The following PRAMEF25 variants were observed in gnomAD, a reference collection of about 807,000 sequenced individuals.
PRAMEF25 encodes PRAME family member 25.
chr1:13,071,066 T>G (rs1182179465), intron 1 of PRAMEF25, 159 bp downstream of exon 1: 1 of 139,794 alleles, frequency 7.2e-6, no homozygotes, highest in African/African-American at 2.5e-5. Flanking sequence ...CTAAATACAG[T>G]TCTGTCTTTA....
intron 1 of PRAMEF25, chr1:13,071,647 C>T (rs1642352494): frequency 6.1e-5 from 3 of 49,424 alleles, no homozygotes; most frequent in Admixed American, 2.4e-4. Flanking sequence ...ATCACTTTAG[C>T]CCAGAAGATT....
At chr1:13,071,248 GTT>G (rs1386478236) in intron 1 of PRAMEF25, 1 of 69,864 alleles carries the variant, frequency 1.4e-5, no homozygotes, top group Non-Finnish European at 3.2e-5. Flanking sequence ...TCTACACAAC[GTT>G]TTTTTTTTTT....
intron 1 of PRAMEF25, chr1:13,071,561 C>A (rs1177345076): frequency 1.6e-5 from 1 of 61,994 alleles, no homozygotes; most frequent in Non-Finnish European, 2.8e-5. Flanking sequence ...TCGGCCTCTA[C>A]TTTTTTTTTT....
chr1:13,071,103 T>A, intron 1 of PRAMEF25, 196 bp downstream of exon 1: 1 of 138,528 alleles, frequency 7.2e-6, no homozygotes, highest in Admixed American at 7.7e-5. Context: ...TGTGCTTTGG[T>A]TTAGGTCATT....
At chr1:13,071,520 TG>T (rs2100256281) in intron 1 of PRAMEF25, 1 of 93,496 alleles carries the variant, frequency 1.1e-5, no homozygotes, top group East Asian at 3.5e-4. Flanking sequence ...CCTCCCAAAA[TG>T]CTGGGATTAG....
At chr1:13,071,574 A>T (rs1366566884) in intron 1 of PRAMEF25, 3 of 54,464 alleles carry the variant, frequency 5.5e-5, no homozygotes, top group African/African-American at 1.2e-4. Flanking sequence ...TTTTTTTTTT[A>T]ATTAGCTAGG....
intron 3 of PRAMEF25, chr1:13,076,508 C>T (rs868074043): frequency 0.033 from 3,864 of 116,092 alleles, 26 homozygotes; most frequent in Non-Finnish European, 0.045. Flanking sequence ...ATTTTTTCTC[C>T]TTTTTTTTTT....
Position 13,071,002 on chromosome 1 carries a change from A to G in PRAMEF25, c.-17+95A>G, listed in dbSNP as rs1361384160. ...GCAGCCTACGATGGCACAGAGCTAT[A>G]TCCTGTCCTTTTTTTTTTTCATATG... is the stretch of plus-strand genomic sequence containing the variant. On this transcript the variant is annotated intron_variant, in intron 1 of 3. Coordinates refer to ENST00000619661, the Ensembl canonical transcript of PRAMEF25. The G allele has an allele frequency of 1.6e-5, 2 of 125,452 alleles. 1 individual carries two copies. The highest frequency in any genetic ancestry group is 3.6e-5 in the Non-Finnish European group (2 of 54,938). The allele number at this position is 125,452 out of a possible 1,614,324, so 7.8% of individuals were successfully genotyped here.
At chr1:13,071,333 CT>C (rs1472333240) in intron 1 of PRAMEF25, 1 of 86,832 alleles carries the variant, frequency 1.2e-5, no homozygotes, top group Non-Finnish European at 2.6e-5. Context: ...TCACTGTAAC[CT>C]TTACCTCCCA....
At position 13,070,916 on chromosome 1, in the gene PRAMEF25, T is replaced by C. The variant is rs1373984499; in HGVS notation, c.-17+9T>C. 8 of 122,650 alleles carry C rather than the reference T, an allele frequency of 6.5e-5. No homozygotes were observed. Among genetic ancestry groups the C allele is most frequent in the Admixed American group, 2.7e-4 (3 of 10,938 alleles). 7.6% of individuals were successfully genotyped at this position (122,650 alleles called of 1,614,324 possible). On this transcript the variant is annotated intron_variant, in intron 1 of 3. Transcript: ENST00000619661. ...AACTACATCCAGATCTGGTAAGTCA[T>C]TAATTTCTGTAAGGACACTCCCATC...
At position 13,076,305 on chromosome 1, in the gene PRAMEF25, C is replaced by A. The variant is rs1337045978; in HGVS notation, c.876-686C>A. 1.7e-4 allele frequency: 3 copies of A among 17,362 alleles called. No individual in the cohort carries two copies. In the East Asian group the frequency reaches 4.3e-3, roughly 25 times the overall value. 1.1% of individuals were successfully genotyped at this position (17,362 alleles called of 1,614,324 possible). A position where few individuals can be genotyped will look rare whatever the true frequency, so the allele number is the denominator to read the frequency against. ...GATACAGGCGTGTCAGGGACGCCTG[C>A]AGCCCGCCCACCCCAGCTGATGTTG... On this transcript the variant is annotated intron_variant, in intron 3 of 3. Coordinates refer to ENST00000619661, the Ensembl canonical transcript of PRAMEF25.
In PRAMEF25 at chr1:13,071,107, G is replaced by A. The variant is rs1292293296; in HGVS notation, c.-17+200G>A. 2.9e-5 allele frequency: 4 copies of A among 137,742 alleles called. 1 individual carries two copies. Among genetic ancestry groups the A allele is most frequent in the Non-Finnish European group, 4.9e-5 (3 of 61,582 alleles). The allele number at this position is 137,742 out of a possible 1,614,324, so 8.5% of individuals were successfully genotyped here. On this transcript the variant is annotated intron_variant, in intron 1 of 3. Transcript: ENST00000619661. Reference sequence around the variant, plus strand: ...AAAAAGTTGATTGTGCTTTGGTTTAGGTCATTTCAAAATTCTTGAAGGGAG... The same window carrying A: ...AAAAAGTTGATTGTGCTTTGGTTTAAGTCATTTCAAAATTCTTGAAGGGAG...
exon 4 of PRAMEF25, chr1:13,077,493 T>TGCC (rs1340364464): frequency 1.4e-5 from 4 of 289,082 alleles, no homozygotes; most frequent in Non-Finnish European, 2.3e-5. Flanking sequence ...TACTGACTAC[T>TGCC]GCCCTGACTG....
chr1:13,071,049 T>C (rs1642343204), intron 1 of PRAMEF25, 142 bp downstream of exon 1: 1 of 138,482 alleles, frequency 7.2e-6, no homozygotes, highest in African/African-American at 2.5e-5. Flanking sequence ...GCTTTGAATG[T>C]TTTCCTCTAA....
chr1:13,071,888 C>CAA (rs1642353270), intron 1 of PRAMEF25: 5 of 2,120 alleles, frequency 2.4e-3, no homozygotes, highest in Admixed American at 5.5e-3. Flanking sequence ...ATCTTGGAGG[C>CAA]TGAGGTAACA....
exon 1 of PRAMEF25, chr1:13,070,884 C>A (rs1207008676): frequency 1.6e-5 from 2 of 123,986 alleles, no homozygotes; most frequent in African/African-American, 5.2e-5. Context: ...GGTCTGAGCA[C>A]CTTCTAAACT....
exon 1 of PRAMEF25, chr1:13,070,900 C>T (rs2100255093): frequency 8.1e-6 from 1 of 123,632 alleles, no homozygotes; most frequent in African/African-American, 2.6e-5. Flanking sequence ...AAACTACATC[C>T]AGATCTGGTA....
At chr1:13,071,247 CG>C (rs1642345859) in intron 1 of PRAMEF25, 2 of 78,410 alleles carry the variant, frequency 2.6e-5, no homozygotes, top group African/African-American at 3.7e-5. Context: ...CTCTACACAA[CG>C]TTTTTTTTTT....
intron 3 of PRAMEF25, chr1:13,076,321 G>C (rs1323526957): frequency 5.8e-5 from 1 of 17,156 alleles, no homozygotes; most frequent in African/African-American, 7.0e-4. Context: ...GCCCACCCCA[G>C]CTGATGTTGC....
Sources: gnomAD v4.1 joint callset for allele counts on GRCh38, gnomAD v4.1.1 for gene constraint, MANE v1.5 for transcripts, NCBI Gene and HGNC (gene_info 2026-07-23, HGNC 2026-07-21) for gene names.